The following KMT2A variants were observed in gnomAD, a reference collection of about 807,000 sequenced individuals.
KMT2A encodes the protein histone-lysine N-methyltransferase 2A.
A neutral mutation model predicts 345.3 loss-of-function variants in KMT2A; 16 were observed. That is an observed-to-expected ratio of 0.05 (90% CI 0.03 to 0.07). KMT2A has a LOEUF of 0.07. Among genes scored for constraint, KMT2A ranks in the 10% least tolerant of loss-of-function variants. The probability of loss-of-function intolerance (pLI) is 1.00; values close to 1 mark genes in which losing one functional copy is unlikely to be tolerated. For synonymous variants in KMT2A, 1,599 were observed against 1,778.6 expected (o/e 0.90, Z 2.54); for missense variants, 3,272 against 4,841.6 (o/e 0.68, Z 9.62).
rs1197674526 is a variant in KMT2A, at chr11:118,525,510, C to T, written c.*3338C>T. On this transcript the variant is annotated 3_prime_UTR_variant, in exon 36 of 36. Coordinates refer to ENST00000534358, the MANE Select transcript of KMT2A (RefSeq NM_001197104.2). Reference sequence around the variant, plus strand: ...CAGCTATACGTTTTCAACCAGACTCCTTTGCCGGGACCCAGCCCGCCACCC... The same window carrying T: ...CAGCTATACGTTTTCAACCAGACTCTTTTGCCGGGACCCAGCCCGCCACCC... 1.8e-5 allele frequency: 4 copies of T among 225,260 alleles called. No homozygotes were observed. The highest frequency in any genetic ancestry group is 3.5e-5 in the Non-Finnish European group (4 of 113,144). 14.0% of individuals were successfully genotyped at this position (225,260 alleles called of 1,614,324 possible).
At chr11:118,500,447 C>T (rs1429739192) in intron 24 of KMT2A, among the ~76,000 whole-genome samples, 1 of 152,198 alleles carries the variant, frequency 6.6e-6, no homozygotes, top group Non-Finnish European at 1.5e-5. Flanking sequence ...AATATATGCT[C>T]CAACTTACTC....
chr11:118,508,133 A>G (rs1380334705), intron 28 of KMT2A, among the ~76,000 whole-genome samples: 1 of 152,152 alleles, frequency 6.6e-6, no homozygotes, highest in African/African-American at 2.4e-5. Flanking sequence ...ACCCCCGCCC[A>G]ATCTACTCCC....
rs1381046303 is a variant in KMT2A at position 118,504,025 on chromosome 11, G to A, written c.8133G>A (p.Gln2711=). 1.9e-6 allele frequency: 3 copies of A among 1,614,076 alleles called. No homozygotes were observed. The highest frequency in any genetic ancestry group is 3.3e-5 in the Admixed American group (2 of 60,012). The part of the protein sequence containing the change: ...ASHNLFREEE[Q]CDLPKISQLD... The stretch of plus-strand genomic sequence containing the variant: ...ATAATTTATTTCGGGAGGAGGAACA[G>A]TGTGATCTTCCAAAAATCTCACAGT... The change falls in exon 27 of 36, where the codon CAG becomes CAA. Residue 2711 remains glutamine, a synonymous_variant. Transcript: ENST00000534358. This position sits in a 1 kb window ranked among gnomAD's most constrained non-coding sequence, Gnocchi z 6.4.
In KMT2A at chr11:118,501,788, C is replaced by G; in HGVS notation, c.6436C>G (p.Pro2146Ala). Reference sequence around the variant, plus strand: ...TTATTATCATGTCATCTCAAAGGTCCCCAGGATTCGAACACCCAGTTATTC... The same window carrying G: ...TTATTATCATGTCATCTCAAAGGTCGCCAGGATTCGAACACCCAGTTATTC... ...SCYYHVISKV[P>A]RIRTPSYSPT... Residue 2146 changes from proline (P) to alanine (A), a missense_variant, in exon 26 of 36, where the codon CCC becomes GCC. Pro to Ala is a conservative substitution (Grantham distance 27, BLOSUM62 -1). Coordinates refer to ENST00000534358, the MANE Select transcript of KMT2A (RefSeq NM_001197104.2). The G allele has an allele frequency of 6.2e-7, 1 of 1,614,036 alleles. No homozygotes were observed. The highest frequency in any genetic ancestry group is 8.5e-7 in the Non-Finnish European group (1 of 1,179,978).
At chr11:118,511,430 G>A (rs1425271161) in intron 30 of KMT2A, among the ~76,000 whole-genome samples, 1 of 152,170 alleles carries the variant, frequency 6.6e-6, no homozygotes, top group Admixed American at 6.5e-5. Flanking sequence ...GTGGAGTGAT[G>A]TAAGAAATCC....
At chr11:118,440,998 C>G (rs1424650042) in intron 1 of KMT2A, among the ~76,000 whole-genome samples, 5 of 151,970 alleles carry the variant, frequency 3.3e-5, no homozygotes, top group African/African-American at 1.2e-4. Context: ...GGCAAATTCA[C>G]TTTTAACCTT....
intron 8 of KMT2A, among the ~76,000 whole-genome samples, chr11:118,483,393 C>T (rs1017971559): frequency 4.0e-5 from 6 of 151,132 alleles, no homozygotes; most frequent in African/African-American, 9.7e-5. Flanking sequence ...ATTAGCCCGG[C>T]GAGGTGGCGG....
At chr11:118,461,169 G>A (rs146340723) in intron 1 of KMT2A, among the ~76,000 whole-genome samples, 4 of 152,136 alleles carry the variant, frequency 2.6e-5, no homozygotes, top group African/African-American at 9.6e-5. Flanking sequence ...TATTCCTATT[G>A]CTTCGTCACT....
In KMT2A at chr11:118,482,508, T is replaced by C. The variant is rs373610224; in HGVS notation, c.4086+13T>C. On this transcript the variant is annotated intron_variant, in intron 8 of 35. Transcript: ENST00000534358. ...ACCAAAAGAAAAGGTGAGGAGAGATTTGTTTCTCTGCCATTTCTCAGGGAT... is the reference window on the plus strand; with the variant it reads ...ACCAAAAGAAAAGGTGAGGAGAGATCTGTTTCTCTGCCATTTCTCAGGGAT... 6.3e-6 allele frequency: 10 copies of C among 1,579,666 alleles called. No homozygotes were observed. Among genetic ancestry groups the C allele is most frequent in the Non-Finnish European group, 8.7e-6 (10 of 1,149,994 alleles).
At chr11:118,459,989 C>T (rs1341905363) in intron 1 of KMT2A, among the ~76,000 whole-genome samples, 1 of 152,134 alleles carries the variant, frequency 6.6e-6, no homozygotes, top group Non-Finnish European at 1.5e-5. Flanking sequence ...GCCACTGCCT[C>T]AGGCCCAATT....
chr11:118,479,028 T>G (rs1214221898), intron 5 of KMT2A, among the ~76,000 whole-genome samples: 1 of 152,248 alleles, frequency 6.6e-6, no homozygotes, highest in Non-Finnish European at 1.5e-5. Flanking sequence ...AGGCATGCAA[T>G]GCATCATAAT....
Position 118,490,291 on chromosome 11 carries a change from C to T in KMT2A, c.4696+42C>T. Reference sequence around the variant, plus strand: ...GTTTTGCCAGCTTTCGGAGGTTGTACTTGGTGTTCTGGAGGTGAACTAGAC... The same window carrying T: ...GTTTTGCCAGCTTTCGGAGGTTGTATTTGGTGTTCTGGAGGTGAACTAGAC... On this transcript the variant is annotated intron_variant, in intron 13 of 35. Transcript: ENST00000534358. The surrounding 1 kb of genome is among the most constrained non-coding windows in gnomAD (Gnocchi z 4.2). 1 of 1,514,322 alleles carries T rather than the reference C, an allele frequency of 6.6e-7. No homozygotes were observed. The highest frequency in any genetic ancestry group is 2.4e-5 in the East Asian group (1 of 42,486). The allele number at this position is 1,514,322 out of a possible 1,614,324, so 93.8% of individuals were successfully genotyped here.
rs781796481 is a variant in KMT2A at position 118,473,475 on chromosome 11, C to A, written c.2316C>A (p.Pro772=). 2 of 1,614,086 alleles carry A rather than the reference C, an allele frequency of 1.2e-6. No individual in the cohort carries two copies. Among genetic ancestry groups the A allele is most frequent in the East Asian group, 4.5e-5 (2 of 44,900 alleles). The change falls in exon 3 of 36, where the codon CCC becomes CCA. Residue 772 remains proline, a synonymous_variant. Transcript: ENST00000534358. This position sits in a 1 kb window ranked among gnomAD's most constrained non-coding sequence, Gnocchi z 5.2. The stretch of plus-strand genomic sequence containing the variant: ...GTTCTGAGCTCTCACCTCTCACCCC[C>A]CCGTCTTCTGTCTCTTCCTCGTTAA... ...LSSSELSPLT[P]PSSVSSSLSI... is the part of the protein sequence containing the mutation.
chr11:118,464,720 C>T (rs1397083097), intron 1 of KMT2A, among the ~76,000 whole-genome samples: 2 of 152,028 alleles, frequency 1.3e-5, no homozygotes, highest in African/African-American at 4.8e-5. Flanking sequence ...ATGGCTTTAC[C>T]AATACGATCC....
Position 118,504,121 on chromosome 11 carries a change from T to A in KMT2A, c.8229T>A (p.Ile2743=), listed in dbSNP as rs781967523. Residue 2743 remains isoleucine, a synonymous_variant, in exon 27 of 36, where the codon ATT becomes ATA. Coordinates refer to ENST00000534358, the MANE Select transcript of KMT2A (RefSeq NM_001197104.2). The surrounding 1 kb of genome is among the most constrained non-coding windows in gnomAD (Gnocchi z 6.4). The part of the protein sequence containing the change: ...VTATTRKSSQ[I]PKRNGKENGT... ...CCACAACAAGGAAAAGCAGCCAGAT[T>A]CCAAAAAGAAATGGTAAAGAAAATG... 3.3e-5 allele frequency: 53 copies of A among 1,613,972 alleles called. 2 individuals are homozygous for A. In the South Asian group the frequency reaches 4.1e-4, roughly 12 times the overall value.
At position 118,491,383 on chromosome 11, in the gene KMT2A, C is replaced by G. The variant is rs1209336966; in HGVS notation, c.4819+65C>G. The G allele has an allele frequency of 1.4e-6, 2 of 1,446,698 alleles. No individual in the cohort carries two copies. The highest frequency in any genetic ancestry group is 2.9e-5 in the African/African-American group (2 of 69,656). 89.6% of individuals were successfully genotyped at this position (1,446,698 alleles called of 1,614,324 possible). A position where few individuals can be genotyped will look rare whatever the true frequency, so the allele number is the denominator to read the frequency against. ...CTACTACATTTATTAGCCTCTAGAGCACTTTAAACCTAAAATTATGGTTGT... is the reference window on the plus strand; with the variant it reads ...CTACTACATTTATTAGCCTCTAGAGGACTTTAAACCTAAAATTATGGTTGT... On this transcript the variant is annotated intron_variant, in intron 14 of 35. Transcript: ENST00000534358. This position sits in a 1 kb window ranked among gnomAD's most constrained non-coding sequence, Gnocchi z 4.2.
rs1253107319 is a variant in KMT2A, at chr11:118,495,541, G to A, written c.5364-159G>A. On this transcript the variant is annotated intron_variant, in intron 18 of 35. Coordinates refer to ENST00000534358, the MANE Select transcript of KMT2A (RefSeq NM_001197104.2). This position sits in a 1 kb window ranked among gnomAD's most constrained non-coding sequence, Gnocchi z 4.1. Reference sequence around the variant, plus strand: ...GTTGAGATATTTTTTAAAATATTGAGTTCTGTGTACTTCAGCAATTTTCAA... The same window carrying A: ...GTTGAGATATTTTTTAAAATATTGAATTCTGTGTACTTCAGCAATTTTCAA... 6.6e-6 allele frequency among the ~76,000 whole-genome samples: 1 copy of A among 152,148 alleles called. No individual in the cohort carries two copies. The highest frequency in any genetic ancestry group is 1.5e-5 in the Non-Finnish European group (1 of 68,034).
At chr11:118,507,697 G>A in intron 28 of KMT2A, 88 bp downstream of exon 28, 2 of 1,024,852 alleles carry the variant, frequency 2.0e-6, no homozygotes, top group Non-Finnish European at 3.0e-6. Context: ...GGGCGCAGTG[G>A]CTCACGCCTG....
At chr11:118,452,287 G>T (rs1036940726) in intron 1 of KMT2A, among the ~76,000 whole-genome samples, 1 of 152,140 alleles carries the variant, frequency 6.6e-6, no homozygotes, top group Non-Finnish European at 1.5e-5. Context: ...TGTAATGCCA[G>T]CACTTTGGGA....
Sources: gnomAD v4.1 joint callset for allele counts (sites outside exome capture counted in the v4.1 genomes callset) on GRCh38, gnomAD v4.1.1 for gene constraint, Gnocchi (gnomAD v3.1) non-coding constraint, MANE v1.5 for transcripts, NCBI Gene and HGNC (gene_info 2026-07-23, HGNC 2026-07-21) for gene names.